The following KIAA1210 variants were observed in gnomAD, a reference collection of about 807,000 sequenced individuals.
The protein encoded by KIAA1210 is KIAA1210.
Under a neutral mutation model 78.9 loss-of-function variants are expected in KIAA1210, and 48 were observed. The ratio of observed to expected loss-of-function variants is 0.61; its 90% CI spans 0.48 to 0.77. The LOEUF (loss-of-function observed/expected upper bound fraction) is 0.77, where lower values mean the gene tolerates loss of function less well. KIAA1210 is among the 30% of genes least tolerant of loss of function. KIAA1210 has a pLI of 0.00. For synonymous variants in KIAA1210, 406 were observed against 404.5 expected (o/e 1.00, Z -0.04); for missense variants, 1,108 against 1,100.0 (o/e 1.01, Z -0.10).
chrX:119,089,366 C>A lies in KIAA1210; in HGVS notation c.1336G>T (p.Ala446Ser). The A allele has an allele frequency of 8.3e-7, 1 of 1,211,488 alleles. No homozygotes were observed. Among genetic ancestry groups the A allele is most frequent in the Non-Finnish European group, 1.1e-6 (1 of 895,348 alleles). Reference protein sequence around the residue: ...SDKDDMGRRNAGIDFGSRKAS... With the variant: ...SDKDDMGRRNSGIDFGSRKAS... ...TTTCTGGATCCGAAATCTATGCCAG[C>A]ATTTCTCCTTCCCATGTCATCTTTA... The change falls in exon 9 of 12, where the codon GCT (alanine) becomes TCT (serine). Residue 446 changes from alanine to serine, a missense_variant. Physicochemically the swap from Ala to Ser is moderately conservative, Grantham distance 99. Coordinates refer to ENST00000691062, the MANE Select transcript of KIAA1210 (RefSeq NM_001394962.1).
chrX:119,104,505 T>A (rs190626609), intron 6 of KIAA1210, among the ~76,000 whole-genome samples: 49 of 112,438 alleles, frequency 4.4e-4, no homozygotes, highest in African/African-American at 1.5e-3. Flanking sequence ...TAAACACACA[T>A]TAGTTTGAGA....
intron 2 of KIAA1210, among the ~76,000 whole-genome samples, chrX:119,122,238 A>T (rs1266374910): frequency 9.4e-6 from 1 of 106,704 alleles, no homozygotes; most frequent in African/African-American, 3.4e-5. Flanking sequence ...GCTAATTTTT[A>T]AAAATATTTT....
intron 1 of KIAA1210, chrX:119,147,603 T>C (rs1168951515): frequency 8.3e-7 from 1 of 1,206,646 alleles, no homozygotes; most frequent in African/African-American, 1.8e-5. Flanking sequence ...CCTGTTGAAA[T>C]ACACATTATC....
chrX:119,098,834 A>C (rs1927644434), intron 6 of KIAA1210, among the ~76,000 whole-genome samples: 2 of 111,534 alleles, frequency 1.8e-5, no homozygotes, highest in South Asian at 7.6e-4. Context: ...TCTATGTACT[A>C]CTGTATTGGG....
intron 2 of KIAA1210, among the ~76,000 whole-genome samples, chrX:119,138,211 G>GTTTTTTTTTTTTTTTTTTTTTTTTT (rs759946882): frequency 6.3e-5 from 3 of 47,831 alleles, no homozygotes; most frequent in African/African-American, 9.2e-5. Context: ...TGGTTTGGTT[G>GTTTTTTTTTTTTTTTTTTTTTTTTT]TTTTTTTTTT....
At chrX:119,093,232 G>A (rs913928166) in intron 8 of KIAA1210, among the ~76,000 whole-genome samples, 1 of 112,028 alleles carries the variant, frequency 8.9e-6, no homozygotes, top group South Asian at 3.7e-4. Context: ...GAAGAGAAAG[G>A]CAACTTTAAA....
intron 8 of KIAA1210, among the ~76,000 whole-genome samples, chrX:119,090,340 C>T (rs1019492092): frequency 9.0e-6 from 1 of 111,293 alleles, no homozygotes; most frequent in Non-Finnish European, 1.9e-5. Flanking sequence ...GGCGCGATCT[C>T]GGCTCACTGC....
chrX:119,089,759 G>A lies in KIAA1210; in HGVS notation c.956-13C>T, dbSNP rs1927310035. ...TGGCTTGAGGAATCTGCACCAAACA[G>A]AAATAAGGAAAGGAGAAATATGTGT... is the stretch of plus-strand genomic sequence containing the variant. On this transcript the variant is annotated splice_polypyrimidine_tract_variant and intron_variant, in intron 8 of 11. Coordinates refer to ENST00000691062, the MANE Select transcript of KIAA1210 (RefSeq NM_001394962.1). 8.6e-7 allele frequency: 1 copy of A among 1,167,840 alleles called. No individual in the cohort carries two copies. Among genetic ancestry groups the A allele is most frequent in the African/African-American group, 1.8e-5 (1 of 55,478 alleles).
intron 2 of KIAA1210, among the ~76,000 whole-genome samples, chrX:119,117,391 GA>G (rs748637323): frequency 3.9e-5 from 4 of 103,240 alleles, no homozygotes; most frequent in African/African-American, 1.4e-4. Context: ...GTGTGTGTGT[GA>G]TGATGATCAT....
At chrX:119,127,249 G>GA (rs1347072735) in intron 1 of KIAA1210, among the ~76,000 whole-genome samples, 2 of 108,613 alleles carry the variant, frequency 1.8e-5, no homozygotes, top group East Asian at 2.9e-4. Flanking sequence ...AAGCCTGTGG[G>GA]AAAAAAAGCC....
At chrX:119,097,288 G>C (rs1163938029) in intron 6 of KIAA1210, among the ~76,000 whole-genome samples, 2 of 111,633 alleles carry the variant, frequency 1.8e-5, no homozygotes, top group Non-Finnish European at 3.8e-5. Flanking sequence ...GATGGAGCCT[G>C]TAACCCTGTC....
At chrX:119,134,880 T>C (rs993370705) in intron 2 of KIAA1210, among the ~76,000 whole-genome samples, 2 of 112,522 alleles carry the variant, frequency 1.8e-5, no homozygotes, top group Non-Finnish European at 3.7e-5. Context: ...GGCTCTGTTC[T>C]TGTGCAGTGA....
Position 119,089,103 on chromosome X carries a change from G to C in KIAA1210, c.1599C>G (p.Ser533Arg). Residue 533 changes from serine to arginine, a missense_variant, in exon 9 of 12, where the codon AGC (serine) becomes AGG (arginine). Coordinates refer to ENST00000691062, the MANE Select transcript of KIAA1210 (RefSeq NM_001394962.1). ...HIQLEDQEAF[S>R]FDLQKAQSKM... ...TGGATTGGGCCTTTTGTAAATCAAA[G>C]CTGAAAGCTTCTTGATCTTCTAACT... The C allele has an allele frequency of 8.3e-7, 1 of 1,211,897 alleles. No individual in the cohort carries two copies. The highest frequency in any genetic ancestry group is 3.0e-5 in the East Asian group (1 of 33,846).
intron 2 of KIAA1210, among the ~76,000 whole-genome samples, chrX:119,133,881 T>A (rs1193165719): frequency 1.8e-5 from 2 of 110,395 alleles, no homozygotes; most frequent in Non-Finnish European, 3.8e-5. Context: ...TTTGTACATA[T>A]TTATGGGGTA....
In KIAA1210 at chrX:119,113,517, C is replaced by A. The variant is rs544645637; in HGVS notation, c.230+2979G>T. On this transcript the variant is annotated intron_variant, in intron 3 of 11. Coordinates refer to ENST00000691062, the MANE Select transcript of KIAA1210 (RefSeq NM_001394962.1). ...TAGGCAAATCCATAGAGGCAGAAAGCAGATCAGTGGTTTGAAAGAGGATAG... is the reference window on the plus strand; with the variant it reads ...TAGGCAAATCCATAGAGGCAGAAAGAAGATCAGTGGTTTGAAAGAGGATAG... Among the ~76,000 whole-genome samples, 98 of 111,297 alleles carry A rather than the reference C, an allele frequency of 8.8e-4. 1 individual carries two copies. The South Asian group carries it at 0.032, about 36-fold the overall frequency.
At position 119,087,566 on chromosome X, in the gene KIAA1210, G is replaced by C. The variant is rs766078469; in HGVS notation, c.3136C>G (p.Pro1046Ala). ...GATAAAGATTTGGAAGGAAGATTGG[G>C]AGGCAGAGGTGCCACATCACTGCCC... is the stretch of plus-strand genomic sequence containing the variant. ...KRGSDVAPLPPNLPSKSLSKP... is the reference protein window; with the variant it reads ...KRGSDVAPLPANLPSKSLSKP... Residue 1046 changes from proline (P) to alanine (A), a missense_variant, in exon 9 of 12, where the codon CCC becomes GCC. By Grantham distance (27) the Pro-to-Ala change is conservative. Coordinates refer to ENST00000691062, the MANE Select transcript of KIAA1210 (RefSeq NM_001394962.1). The C allele has an allele frequency of 7.4e-6, 9 of 1,211,648 alleles. No homozygotes were observed. The Admixed American group carries it at 2.0e-4, about 26-fold the overall frequency.
intron 6 of KIAA1210, among the ~76,000 whole-genome samples, chrX:119,102,075 G>T (rs1451460674): frequency 1.8e-5 from 2 of 112,942 alleles, no homozygotes; most frequent in African/African-American, 6.4e-5. Context: ...AAAGAGGACT[G>T]CTAGAAGCCA....
At chrX:119,121,710 T>C (rs193044016) in intron 2 of KIAA1210, among the ~76,000 whole-genome samples, 113 of 112,843 alleles carry the variant, frequency 1.0e-3, no homozygotes, top group African/African-American at 3.6e-3. Context: ...CATCGCATAA[T>C]GATGACTTTG....
At chrX:119,115,987 A>C (rs1323817034) in intron 3 of KIAA1210, among the ~76,000 whole-genome samples, 1 of 111,758 alleles carries the variant, frequency 8.9e-6, no homozygotes, top group Non-Finnish European at 1.9e-5. Context: ...TCTCATGCTC[A>C]TGACCCACCC....
Sources: gnomAD v4.1 joint callset for allele counts (sites outside exome capture counted in the v4.1 genomes callset) on GRCh38, gnomAD v4.1.1 for gene constraint, MANE v1.5 for transcripts, NCBI Gene and HGNC (gene_info 2026-07-23, HGNC 2026-07-21) for gene names.